Variants in BTNL2 observed in about 807,000 individuals in gnomAD.
BTNL2 encodes butyrophilin like 2, also known as butyrophilin-like protein 2.
A neutral mutation model predicts 46.8 loss-of-function variants in BTNL2; 46 were observed. That is an observed-to-expected ratio of 0.98 (90% CI 0.78 to 1.26). BTNL2 has a LOEUF of 1.26. BTNL2 is among the 50% of genes most tolerant of loss of function. The probability of loss-of-function intolerance (pLI) is 0.00; values close to 1 mark genes in which losing one functional copy is unlikely to be tolerated. For synonymous variants in BTNL2, 226 were observed against 229.1 expected, an observed-to-expected ratio of 0.99 and a Z score of 0.12; for missense variants, 461 against 592.6, an observed-to-expected ratio of 0.78 and a Z score of 2.31.
intron 4 of BTNL2, among the ~76,000 whole-genome samples, chr6:32,398,183 C>T (rs955969756): frequency 3.9e-5 from 6 of 152,082 alleles, no homozygotes; most frequent in East Asian, 1.9e-4. Context: ...AATTAAGTGT[C>T]GTCCTTTTCT....
intron 4 of BTNL2, among the ~76,000 whole-genome samples, chr6:32,397,889 G>A (rs117238912): frequency 0.018 from 2,680 of 152,274 alleles, 80 homozygotes; most frequent in East Asian, 0.11. Flanking sequence ...TGGTCCAGCC[G>A]CTATATTTTA....
At chr6:32,401,535 T>C (rs117252593) in intron 4 of BTNL2, among the ~76,000 whole-genome samples, 2,659 of 152,224 alleles carry the variant, frequency 0.017, 77 homozygotes, top group East Asian at 0.11. Context: ...ATGCCATGCT[T>C]CCTATAGGTG....
chr6:32,401,897 A>G (rs1583265973), intron 3 of BTNL2, 92 bp from the exon 4 acceptor site: 1 of 1,050,292 alleles, frequency 9.5e-7, no homozygotes, highest in Non-Finnish European at 1.4e-6. Flanking sequence ...TTTATACATT[A>G]TATAGGGAAG....
Position 32,394,847 on chromosome 6 carries a change from C to T in BTNL2, c.1257G>A (p.Val419=), listed in dbSNP as rs943537050. ...LTQGSHGLFH[V]QTLLRVTNIS... The stretch of plus-strand genomic sequence containing the variant: ...TGTTTGTGACCCTTAGCAATGTCTG[C>T]ACGTGGAACAGCCCGTGGCTGCCTT... The change falls in exon 6 of 8, where the codon GTG becomes GTA. Residue 419 remains valine, a synonymous_variant. Coordinates refer to ENST00000454136, the MANE Select transcript of BTNL2 (RefSeq NM_001304561.2). This position sits in a 1 kb window ranked among gnomAD's most constrained non-coding sequence, Gnocchi z 4.6. 32 of 1,614,096 alleles carry T rather than the reference C, an allele frequency of 2.0e-5. No individual in the cohort carries two copies. Among genetic ancestry groups the T allele is most frequent in the Non-Finnish European group, 2.6e-5 (31 of 1,180,044 alleles).
Position 32,395,044 on chromosome 6 carries a change from C to A in BTNL2, c.1079-19G>T, listed in dbSNP as rs773249971. 1.3e-6 allele frequency: 2 copies of A among 1,541,250 alleles called. No individual in the cohort carries two copies. The highest frequency in any genetic ancestry group is 1.3e-5 in the South Asian group (1 of 78,462). ...CCCAGACCTGGGGCAGAGAAAGCAA[C>A]CAAAGCCTGGGGTCCTTTCAAGTGG... On this transcript the variant is annotated intron_variant, in intron 5 of 7. Coordinates refer to ENST00000454136, the MANE Select transcript of BTNL2 (RefSeq NM_001304561.2).
Position 32,394,904 on chromosome 6 carries a change from C to T in BTNL2, c.1200G>A (p.Lys400=), listed in dbSNP as rs1776350324. The part of the protein sequence containing the change: ...PHVPWRDMEG[K]TIPSSSQALT... ...GGGCCTGGGAAGATGATGGTATCGTCTTTCCTTCCATGTCCCTCCATGGCA... is the reference window on the plus strand; with the variant it reads ...GGGCCTGGGAAGATGATGGTATCGTTTTTCCTTCCATGTCCCTCCATGGCA... Residue 400 remains lysine, a synonymous_variant, in exon 6 of 8, where the codon AAG becomes AAA. Transcript: ENST00000454136. The surrounding 1 kb of genome is among the most constrained non-coding windows in gnomAD (Gnocchi z 4.6). 1 of 1,614,132 alleles carries T rather than the reference C, an allele frequency of 6.2e-7. No homozygotes were observed. The highest frequency in any genetic ancestry group is 1.3e-5 in the African/African-American group (1 of 74,944).
chr6:32,401,737 G>A, intron 4 of BTNL2, 48 bp downstream of exon 4: 1 of 1,567,092 alleles, frequency 6.4e-7, no homozygotes, highest in South Asian at 1.2e-5. Flanking sequence ...CTCTGCTGGG[G>A]AGGGCAGAGG....
chr6:32,403,179 A>C lies in BTNL2; in HGVS notation c.465T>G (p.Pro155=). 1 of 1,610,130 alleles carries C rather than the reference A, an allele frequency of 6.2e-7. No homozygotes were observed. Among genetic ancestry groups the C allele is most frequent in the South Asian group, 1.1e-5 (1 of 90,758 alleles). ...ACACAAGCTGGACTCCACTCTCCCC[A>C]GGTCCCTCCATGTGGATGCTAGGGG... ...GSAPSIHMEG[P]GESGVQLVCT... is the part of the protein sequence containing the mutation. The change falls in exon 3 of 8, where the codon CCT becomes CCG. Residue 155 remains proline, a synonymous_variant. Coordinates refer to ENST00000454136, the MANE Select transcript of BTNL2 (RefSeq NM_001304561.2).
chr6:32,402,173 C>T (rs986883215), intron 3 of BTNL2, among the ~76,000 whole-genome samples: 5 of 151,880 alleles, frequency 3.3e-5, no homozygotes, highest in South Asian at 2.1e-4. Flanking sequence ...AGTAGAGAGA[C>T]GAATTATATG....
chr6:32,401,964 C>A (rs991750571), intron 3 of BTNL2, among the ~76,000 whole-genome samples, 159 bp from the exon 4 acceptor site: 4 of 152,170 alleles, frequency 2.6e-5, no homozygotes, highest in Non-Finnish European at 4.4e-5. Context: ...CCACAGATTA[C>A]CCAATGATAC....
At position 32,396,355 on chromosome 6, in the gene BTNL2, G is replaced by A. The variant is rs1320706408; in HGVS notation, c.762C>T (p.Pro254=). ...TATCTTCTCCCACTCTGACGAGGAT[G>A]GGCTGGGAAGGTCCATTCACTTTTA... The part of the protein sequence containing the change: ...ASLKVNGPSQ[P]ILVRVGEDIQ... Residue 254 remains proline (P), a synonymous_variant, in exon 5 of 8, where the codon CCC becomes CCT. Transcript: ENST00000454136. The surrounding 1 kb of genome is among the most constrained non-coding windows in gnomAD (Gnocchi z 4.4). 1.2e-6 allele frequency: 2 copies of A among 1,612,700 alleles called. No homozygotes were observed. The highest frequency in any genetic ancestry group is 2.2e-5 in the East Asian group (1 of 44,866).
Position 32,396,489 on chromosome 6 carries a change from C to T in BTNL2, c.731-103G>A. The T allele has an allele frequency of 8.4e-7, 1 of 1,192,976 alleles. No individual in the cohort carries two copies. The highest frequency in any genetic ancestry group is 1.2e-6 in the Non-Finnish European group (1 of 834,208). 73.9% of individuals were successfully genotyped at this position (1,192,976 alleles called of 1,614,324 possible). ...TGGAGTTTAGAAACCATGAGCATCC[C>T]AGGGTTGCTGTGAGGCTCAGGGTCA... is the stretch of plus-strand genomic sequence containing the variant. On this transcript the variant is annotated intron_variant, in intron 4 of 7. Transcript: ENST00000454136. This position sits in a 1 kb window ranked among gnomAD's most constrained non-coding sequence, Gnocchi z 4.4.
In BTNL2 at chr6:32,396,961, C is replaced by T. The variant is rs1178674377; in HGVS notation, c.731-575G>A. ...TGCCACTGCACTCCAGGCTGGGTGA[C>T]AAAGCGAGACTTTAAAAACAAACAA... On this transcript the variant is annotated intron_variant, in intron 4 of 7. Transcript: ENST00000454136. This position sits in a 1 kb window ranked among gnomAD's most constrained non-coding sequence, Gnocchi z 4.4. 1.3e-5 allele frequency among the ~76,000 whole-genome samples: 2 copies of T among 150,380 alleles called. No individual in the cohort carries two copies. Among genetic ancestry groups the T allele is most frequent in the African/African-American group, 2.4e-5 (1 of 41,314 alleles).
chr6:32,396,015 A>C lies in BTNL2; in HGVS notation c.1078+24T>G. The C allele has an allele frequency of 6.4e-7, 1 of 1,572,750 alleles. No individual in the cohort carries two copies. The highest frequency in any genetic ancestry group is 8.7e-7 in the Non-Finnish European group (1 of 1,150,022). On this transcript the variant is annotated intron_variant, in intron 5 of 7. Transcript: ENST00000454136. This position sits in a 1 kb window ranked among gnomAD's most constrained non-coding sequence, Gnocchi z 4.4. Reference sequence around the variant, plus strand: ...AGTGGCAGGAGCAGGTATTGAATACAAAATATCTATCTAGAATTCTTACTT... The same window carrying C: ...AGTGGCAGGAGCAGGTATTGAATACCAAATATCTATCTAGAATTCTTACTT...
At chr6:32,403,395 C>T (rs1404435778) in intron 2 of BTNL2, among the ~76,000 whole-genome samples, 179 bp from the exon 3 acceptor site, 2 of 152,214 alleles carry the variant, frequency 1.3e-5, no homozygotes, top group Admixed American at 1.3e-4. Flanking sequence ...ATTTGTTCCC[C>T]AGTCTGGGTC....
Position 32,404,934 on chromosome 6 carries a change from T to C in BTNL2, c.427+5A>G, listed in dbSNP as rs376709348. ...GAGACCCTGTGTCTTTCCCCAGATA[T>C]TCACCTGCTACTTTGAGCAGCAAGC... On this transcript the variant is annotated splice_donor_5th_base_variant and intron_variant, in intron 2 of 7. Coordinates refer to ENST00000454136, the MANE Select transcript of BTNL2 (RefSeq NM_001304561.2). The C allele has an allele frequency of 9.9e-6, 16 of 1,610,994 alleles. No homozygotes were observed. In the African/African-American group the frequency reaches 2.1e-4, roughly 22 times the overall value.
rs1777041871 is a variant in BTNL2 at position 32,405,120 on chromosome 6, C to T, written c.246G>A (p.Glu82=). 2 of 1,612,960 alleles carry T rather than the reference C, an allele frequency of 1.2e-6. No individual in the cohort carries two copies. The highest frequency in any genetic ancestry group is 2.7e-5 in the African/African-American group (2 of 74,914). ...TPVFVHRDGV[E]VTEMQMEEYR... is the part of the protein sequence containing the mutation. The stretch of plus-strand genomic sequence containing the variant: ...ACTCCTCCATCTGCATCTCAGTCAC[C>T]TCCACTCCATCCCTGTGCACAAACA... Residue 82 remains glutamate (E), a synonymous_variant, in exon 2 of 8, where the codon GAG becomes GAA. Transcript: ENST00000454136.
At chr6:32,395,198 T>C (rs748156602) in intron 5 of BTNL2, among the ~76,000 whole-genome samples, 173 bp from the exon 6 acceptor site, 1 of 152,206 alleles carries the variant, frequency 6.6e-6, no homozygotes, top group Non-Finnish European at 1.5e-5. Flanking sequence ...TTATTTTGTT[T>C]GTTTGCTTAT....
rs547354486 is a variant in BTNL2, at chr6:32,395,386, T to C, written c.1079-361A>G. Among the ~76,000 whole-genome samples, 4 of 152,266 alleles carry C rather than the reference T, an allele frequency of 2.6e-5. No individual in the cohort carries two copies. In the East Asian group the frequency reaches 5.8e-4, roughly 22 times the overall value. On this transcript the variant is annotated intron_variant, in intron 5 of 7. Coordinates refer to ENST00000454136, the MANE Select transcript of BTNL2 (RefSeq NM_001304561.2). ...CTCAAAAATCGAAACCTTATAAATATCTACGTCCAATGGCAGAAAATACGA... is the reference window on the plus strand; with the variant it reads ...CTCAAAAATCGAAACCTTATAAATACCTACGTCCAATGGCAGAAAATACGA...
Sources: gnomAD v4.1 joint callset for allele counts (sites outside exome capture counted in the v4.1 genomes callset) on GRCh38, gnomAD v4.1.1 for gene constraint, Gnocchi (gnomAD v3.1) non-coding constraint, MANE v1.5 for transcripts, NCBI Gene and HGNC (gene_info 2026-07-23, HGNC 2026-07-21) for gene names.